The following ACSM2A variants were observed in gnomAD, a reference collection of about 807,000 sequenced individuals.
ACSM2A encodes the protein acyl-CoA synthetase medium chain family member 2A.
In ACSM2A, 72 loss-of-function variants were observed where a neutral mutation model predicts 76.6. The ratio of observed to expected loss-of-function variants is 0.94; its 90% CI spans 0.78 to 1.14. ACSM2A has a LOEUF of 1.14. ACSM2A is among the 50% of genes most tolerant of loss of function. The pLI is 0.00. For synonymous variants in ACSM2A, 249 were observed against 255.9 expected (o/e 0.97, Z 0.26); for missense variants, 684 against 708.5 (o/e 0.97, Z 0.39).
At chr16:20,472,182 G>C (rs1223211759) in intron 6 of ACSM2A, among the ~76,000 whole-genome samples, 3 of 152,130 alleles carry the variant, frequency 2.0e-5, no homozygotes, top group Non-Finnish European at 4.4e-5. Flanking sequence ...AGCTGTGTTA[G>C]ATACTGTCTT....
chr16:20,480,987 T>C (rs1413400066), intron 12 of ACSM2A, 66 bp downstream of exon 12: 2 of 1,592,040 alleles, frequency 1.3e-6, no homozygotes, highest in South Asian at 1.1e-5. Context: ...GTATGATGGT[T>C]TAAGAACAGG....
chr16:20,462,955 A>T (rs1240629025), intron 2 of ACSM2A, among the ~76,000 whole-genome samples: 1 of 151,812 alleles, frequency 6.6e-6, no homozygotes, highest in Admixed American at 6.6e-5. Flanking sequence ...AAAATAAACC[A>T]TCATTCTCAG....
Position 20,475,365 on chromosome 16 carries a change from C to T in ACSM2A, c.898C>T (p.Leu300Phe). The change falls in exon 7 of 14, where the codon CTC (leucine) becomes TTC (phenylalanine). Residue 300 changes from leucine to phenylalanine, a missense_variant. Leu to Phe is a conservative substitution (Grantham distance 22). Coordinates refer to ENST00000573854, the MANE Select transcript of ACSM2A (RefSeq NM_001308172.2). ...KFDPLVILKTLSSYPIKSMMG... is the reference protein window; with the variant it reads ...KFDPLVILKTFSSYPIKSMMG... ...TCACCTGGCTCTTGTCTTCCAGACA[C>T]TCTCCAGTTATCCAATCAAGAGTAT... 6.2e-7 allele frequency: 1 copy of T among 1,613,734 alleles called. No homozygotes were observed. Among genetic ancestry groups the T allele is most frequent in the South Asian group, 1.1e-5 (1 of 91,072 alleles).
chr16:20,471,485 T>C (rs2013398671), intron 5 of ACSM2A, 51 bp from the exon 6 acceptor site: 1 of 1,573,888 alleles, frequency 6.4e-7, no homozygotes, highest in Admixed American at 1.7e-5. Context: ...GTCCCACGCA[T>C]CCTAAGCATG....
At chr16:20,456,461 C>A (rs141181164) in intron 1 of ACSM2A, among the ~76,000 whole-genome samples, 1 of 149,516 alleles carries the variant, frequency 6.7e-6, no homozygotes, top group Admixed American at 6.7e-5. Context: ...TCTCTCAGAC[C>A]GCCTTGGAAT....
intron 8 of ACSM2A, 137 bp downstream of exon 8, chr16:20,475,910 G>T: frequency 2.7e-6 from 4 of 1,507,270 alleles, no homozygotes; most frequent in Non-Finnish European, 3.5e-6. Flanking sequence ...GAAGGGACAG[G>T]TACTGAGTAT....
chr16:20,466,292 G>A (rs1596652366), intron 3 of ACSM2A, among the ~76,000 whole-genome samples: 1 of 152,204 alleles, frequency 6.6e-6, no homozygotes, highest in South Asian at 2.1e-4. Context: ...CCAATATGAG[G>A]AGCAACTAAG....
intron 1 of ACSM2A, among the ~76,000 whole-genome samples, chr16:20,458,536 A>T (rs1201145666): frequency 6.9e-6 from 1 of 145,220 alleles, no homozygotes; most frequent in Non-Finnish European, 1.5e-5. Context: ...TATATACAAT[A>T]TAAATGTATA....
At chr16:20,482,738 G>A (rs1205256361) in intron 12 of ACSM2A, 1 of 200,046 alleles carries the variant, frequency 5.0e-6, no homozygotes, top group African/African-American at 2.3e-5. Context: ...TTAACACATT[G>A]TTTAGGGTTA....
chr16:20,464,847 G>C (rs563496598), intron 2 of ACSM2A, among the ~76,000 whole-genome samples: 12 of 152,198 alleles, frequency 7.9e-5, no homozygotes, highest in African/African-American at 2.6e-4. Context: ...TGAAAAACTC[G>C]GGAGATGGAT....
At chr16:20,463,973 A>G (rs1040858297) in intron 2 of ACSM2A, among the ~76,000 whole-genome samples, 3 of 152,144 alleles carry the variant, frequency 2.0e-5, no homozygotes, top group Non-Finnish European at 2.9e-5. Flanking sequence ...TCCCTAAGTC[A>G]TTACTCTTAC....
intron 1 of ACSM2A, among the ~76,000 whole-genome samples, chr16:20,457,374 C>T (rs2012246019): frequency 6.6e-6 from 1 of 152,078 alleles, no homozygotes; most frequent in Non-Finnish European, 1.5e-5. Flanking sequence ...AAGAAAACTA[C>T]AGACCAATAT....
At position 20,483,060 on chromosome 16, in the gene ACSM2A, G is replaced by T. The variant is rs1183750905; in HGVS notation, c.1512G>T (p.Val504=). ...TCTGGCCTTCATCTTTTTTGCAGGT[G>T]GTGAAGGCATTTGTGGTCCTGGCCT... ...ISSPDPVRGE[V]VKAFVVLASQ... The change falls in exon 13 of 14, where the codon GTG becomes GTT. Residue 504 remains valine, a splice_region_variant and synonymous_variant. Transcript: ENST00000573854. 3 of 1,613,470 alleles carry T rather than the reference G, an allele frequency of 1.9e-6. No individual in the cohort carries two copies. Among genetic ancestry groups the T allele is most frequent in the Non-Finnish European group, 1.7e-6 (2 of 1,179,748 alleles).
rs1682980100 is a variant in ACSM2A, at chr16:20,478,629, C to A, written c.1233C>A (p.Gly411=). Reference sequence around the variant, plus strand: ...CCCCCGGCACAGAAGGAGACATTGGCATCAGGGTCAAACCCATCAGGCCTA... The same window carrying A: ...CCCCCGGCACAGAAGGAGACATTGGAATCAGGGTCAAACCCATCAGGCCTA... The part of the protein sequence containing the change: ...VLPPGTEGDI[G]IRVKPIRPIG... The change falls in exon 10 of 14, where the codon GGC becomes GGA. Residue 411 remains glycine, a synonymous_variant. Transcript: ENST00000573854. 1 of 1,613,804 alleles carries A rather than the reference C, an allele frequency of 6.2e-7. No homozygotes were observed.
intron 1 of ACSM2A, 23 bp from the exon 2 acceptor site, chr16:20,460,084 T>C (rs1313370290): frequency 6.3e-7 from 1 of 1,589,322 alleles, no homozygotes; most frequent in Admixed American, 1.7e-5. Context: ...AGCTCTCACC[T>C]GTGTCTCTTC....
intron 1 of ACSM2A, among the ~76,000 whole-genome samples, chr16:20,455,153 AATG>A (rs1256328862): frequency 9.3e-5 from 14 of 151,146 alleles, no homozygotes; most frequent in African/African-American, 2.4e-4. Context: ...GATTGTGTTA[AATG>A]ATCAAATCTA....
chr16:20,475,608 T>C (rs772268785), intron 7 of ACSM2A, 42 bp from the exon 8 acceptor site: 12 of 1,612,824 alleles, frequency 7.4e-6, no homozygotes, highest in Non-Finnish European at 1.0e-5. Context: ...TGGACTTTGG[T>C]TCCAGGGAGG....
intron 1 of ACSM2A, among the ~76,000 whole-genome samples, chr16:20,456,333 C>A (rs1372423015): frequency 1.4e-5 from 2 of 139,610 alleles, no homozygotes; most frequent in African/African-American, 5.5e-5. Flanking sequence ...TTCTACCCAA[C>A]AACCATGGAA....
chr16:20,471,043 T>C, intron 4 of ACSM2A, 30 bp from the exon 5 acceptor site: 2 of 1,611,792 alleles, frequency 1.2e-6, no homozygotes, highest in Non-Finnish European at 1.7e-6. Context: ...AGTCTAGCTC[T>C]GAAAAAATGA....
Sources: gnomAD v4.1 joint callset for allele counts (sites outside exome capture counted in the v4.1 genomes callset) on GRCh38, gnomAD v4.1.1 for gene constraint, MANE v1.5 for transcripts, NCBI Gene and HGNC (gene_info 2026-07-23, HGNC 2026-07-21) for gene names.